Variants in DRAXIN observed in about 807,000 individuals in gnomAD.
DRAXIN encodes dorsal inhibitory axon guidance protein, also known as dorsal repulsive axon guidance protein.
A neutral mutation model predicts 33.9 loss-of-function variants in DRAXIN; 27 were observed. The observed-to-expected ratio is 0.80, with a 90% CI of 0.59 to 1.10. The LOEUF (loss-of-function observed/expected upper bound fraction) is 1.10, where lower values mean the gene tolerates loss of function less well. DRAXIN is among the 50% of genes least tolerant of loss of function. The pLI, the probability that DRAXIN is intolerant of heterozygous loss-of-function variation, is 0.00. For missense variants in DRAXIN, 371 were observed against 460.8 expected (o/e 0.81, Z 1.78); for synonymous variants, 178 against 194.0 (o/e 0.92, Z 0.69).
chr1:11,687,158 T>C (rs773054982), upstream of DRAXIN, among the ~76,000 whole-genome samples: 7 of 152,166 alleles, frequency 4.6e-5, no homozygotes, highest in Non-Finnish European at 8.8e-5. The surrounding 1 kb of genome is among the most constrained non-coding windows in gnomAD (Gnocchi z 4.1). Context: ...CTCAACCTCC[T>C]GGGCTCAAGC....
At chr1:11,693,712 C>A (rs901488752) in intron 1 of DRAXIN, among the ~76,000 whole-genome samples, 1 of 152,176 alleles carries the variant, frequency 6.6e-6, no homozygotes, top group African/African-American at 2.4e-5. Flanking sequence ...GCCCTTCATA[C>A]CATCTCTACC....
rs1641166599 is a variant in DRAXIN at position 11,694,902 on chromosome 1, A to AC, written c.-11+3051dup. On this transcript the variant is annotated intron_variant, in intron 1 of 6. Transcript: ENST00000294485. This position sits in a 1 kb window ranked among gnomAD's most constrained non-coding sequence, Gnocchi z 4.9. ...CACCATGACCCACCCATGCCCCAAC[A>AC]CCAAGACTTCTCTTGATGGGATGGG... 6.6e-6 allele frequency among the ~76,000 whole-genome samples: 1 copy of AC among 152,062 alleles called. No homozygotes were observed. The highest frequency in any genetic ancestry group is 1.5e-5 in the Non-Finnish European group (1 of 68,000).
intron 3 of DRAXIN, among the ~76,000 whole-genome samples, chr1:11,711,008 C>A (rs909353391): frequency 6.6e-6 from 1 of 151,266 alleles, no homozygotes; most frequent in Admixed American, 6.6e-5. Context: ...AAGAAATAGG[C>A]CAGGTGCAGT....
intron 2 of DRAXIN, among the ~76,000 whole-genome samples, chr1:11,707,417 C>A (rs753148183): frequency 6.6e-6 from 1 of 152,220 alleles, no homozygotes; most frequent in Non-Finnish European, 1.5e-5. Flanking sequence ...TCAGGTCCTG[C>A]CTCCACCACT....
At chr1:11,701,448 T>A (rs1166848392) in intron 1 of DRAXIN, among the ~76,000 whole-genome samples, 3 of 152,182 alleles carry the variant, frequency 2.0e-5, no homozygotes, top group Non-Finnish European at 4.4e-5. Flanking sequence ...GAGATGTGAA[T>A]GAAAGAAAGA....
In DRAXIN at chr1:11,715,146, T is replaced by C; in HGVS notation, c.875T>C (p.Leu292Pro). ...PGTCCDLREH[L>P]CTPHNRGLNN... ...ACTTGCTGCGACCTGCGGGAGCATC[T>C]CTGCACACCCCACAACCGAGGCCTC... Residue 292 changes from leucine (L) to proline (P), a missense_variant, in exon 6 of 7, where the codon CTC (leucine) becomes CCC (proline). Leu to Pro is a moderately conservative substitution (Grantham distance 98, BLOSUM62 -3). Coordinates refer to ENST00000294485, the MANE Select transcript of DRAXIN (RefSeq NM_198545.4). 1 of 1,614,248 alleles carries C rather than the reference T, an allele frequency of 6.2e-7. No individual in the cohort carries two copies. The highest frequency in any genetic ancestry group is 8.5e-7 in the Non-Finnish European group (1 of 1,180,046).
At chr1:11,717,695 G>A (rs1248395122) in intron 6 of DRAXIN, among the ~76,000 whole-genome samples, 1 of 150,896 alleles carries the variant, frequency 6.6e-6, no homozygotes, top group African/African-American at 2.4e-5. Flanking sequence ...ACAGAAGTGG[G>A]CATTGGAGGC....
At position 11,696,748 on chromosome 1, in the gene DRAXIN, G is replaced by A. The variant is rs1183823335; in HGVS notation, c.-11+4895G>A. The stretch of plus-strand genomic sequence containing the variant: ...TGCACCTGTAGTCCCAGCTACTCGG[G>A]AGGCTGAGGCAGAAGAATTGCTTGA... On this transcript the variant is annotated intron_variant, in intron 1 of 6. Coordinates refer to ENST00000294485, the MANE Select transcript of DRAXIN (RefSeq NM_198545.4). The surrounding 1 kb of genome is among the most constrained non-coding windows in gnomAD (Gnocchi z 4.7). Among the ~76,000 whole-genome samples the A allele has an allele frequency of 6.6e-6, 1 of 152,004 alleles. No homozygotes were observed. Among genetic ancestry groups the A allele is most frequent in the African/African-American group, 2.4e-5 (1 of 41,366 alleles).
intron 5 of DRAXIN, among the ~76,000 whole-genome samples, chr1:11,714,897 C>T (rs1361949434): frequency 2.6e-5 from 4 of 152,078 alleles, no homozygotes; most frequent in Non-Finnish European, 4.4e-5. Flanking sequence ...CAATCAGTAC[C>T]CCATCTGAGG....
rs1641349031 is a variant in DRAXIN at position 11,704,482 on chromosome 1, C to T, written c.-10-1767C>T. Reference sequence around the variant, plus strand: ...ATGGGCCCCTCCTCCCCCTGGGCTGCCTCAGGAACCAGGGACACAGGTCCC... The same window carrying T: ...ATGGGCCCCTCCTCCCCCTGGGCTGTCTCAGGAACCAGGGACACAGGTCCC... On this transcript the variant is annotated intron_variant, in intron 1 of 6. Coordinates refer to ENST00000294485, the MANE Select transcript of DRAXIN (RefSeq NM_198545.4). This position sits in a 1 kb window ranked among gnomAD's most constrained non-coding sequence, Gnocchi z 4.6. Among the ~76,000 whole-genome samples the T allele has an allele frequency of 6.6e-6, 1 of 152,230 alleles. No homozygotes were observed. The highest frequency in any genetic ancestry group is 1.5e-5 in the Non-Finnish European group (1 of 68,044).
chr1:11,719,032 C>G (rs1000834395), intron 6 of DRAXIN, among the ~76,000 whole-genome samples: 1 of 152,126 alleles, frequency 6.6e-6, no homozygotes, highest in Non-Finnish European at 1.5e-5. Flanking sequence ...TCCCAAGTAA[C>G]GGGGATTACA....
Position 11,706,792 on chromosome 1 carries a change from T to C in DRAXIN, c.451+83T>C. On this transcript the variant is annotated intron_variant, in intron 2 of 6. Coordinates refer to ENST00000294485, the MANE Select transcript of DRAXIN (RefSeq NM_198545.4). This position sits in a 1 kb window ranked among gnomAD's most constrained non-coding sequence, Gnocchi z 5.5. The stretch of plus-strand genomic sequence containing the variant: ...GAGCAGGAGAGGATGCAGGCAAGGG[T>C]CAGGGGCATGAGGTCCAGAGGAGAG... The C allele has an allele frequency of 7.1e-7, 1 of 1,410,830 alleles. No individual in the cohort carries two copies. The highest frequency in any genetic ancestry group is 2.5e-5 in the Admixed American group (1 of 39,564). 87.4% of individuals were successfully genotyped at this position (1,410,830 alleles called of 1,614,324 possible). A position where few individuals can be genotyped will look rare whatever the true frequency, so the allele number is the denominator to read the frequency against.
At position 11,704,061 on chromosome 1, in the gene DRAXIN, C is replaced by T. The variant is rs888176678; in HGVS notation, c.-10-2188C>T. 4.6e-5 allele frequency among the ~76,000 whole-genome samples: 7 copies of T among 152,198 alleles called. No homozygotes were observed. The highest frequency in any genetic ancestry group is 1.7e-4 in the African/African-American group (7 of 41,442). On this transcript the variant is annotated intron_variant, in intron 1 of 6. Transcript: ENST00000294485. The surrounding 1 kb of genome is among the most constrained non-coding windows in gnomAD (Gnocchi z 4.6). ...CTTGTGTGTCCCCAGGGACAGCAGA[C>T]TAGCTGAGAAGCTGCCCACCTCTCT... is the stretch of plus-strand genomic sequence containing the variant.
At position 11,706,011 on chromosome 1, in the gene DRAXIN, TC is replaced by T. The variant is rs1418089820; in HGVS notation, c.-10-237del. Among the ~76,000 whole-genome samples, 2 of 152,094 alleles carry T rather than the reference TC, an allele frequency of 1.3e-5. No homozygotes were observed. The highest frequency in any genetic ancestry group is 2.4e-5 in the African/African-American group (1 of 41,408). On this transcript the variant is annotated intron_variant, in intron 1 of 6. Transcript: ENST00000294485. The surrounding 1 kb of genome is among the most constrained non-coding windows in gnomAD (Gnocchi z 5.5). ...TTTCTGGGCCGGATGATTCTTGGTT[TC>T]GGGGGCTGTCCTGTGCATTGTCGGG...
intron 1 of DRAXIN, among the ~76,000 whole-genome samples, chr1:11,703,578 AG>A (rs1184976638): frequency 6.6e-6 from 1 of 152,216 alleles, no homozygotes; most frequent in East Asian, 1.9e-4. Flanking sequence ...GGAAGGCAAT[AG>A]GGAGCCATAG....
At chr1:11,701,413 G>A (rs868603178) in intron 1 of DRAXIN, among the ~76,000 whole-genome samples, 1 of 152,222 alleles carries the variant, frequency 6.6e-6, no homozygotes, top group South Asian at 2.1e-4. Context: ...TCTCCCTGAT[G>A]TACAGCGCAG....
intron 1 of DRAXIN, among the ~76,000 whole-genome samples, chr1:11,698,388 G>A (rs1641224879): frequency 6.6e-6 from 1 of 152,178 alleles, no homozygotes; most frequent in Non-Finnish European, 1.5e-5. Flanking sequence ...GGGGGCCGGG[G>A]CTCCAGGAAG....
Position 11,694,920 on chromosome 1 carries a change from G to A in DRAXIN, c.-11+3067G>A, listed in dbSNP as rs1021038944. Among the ~76,000 whole-genome samples the A allele has an allele frequency of 6.6e-6, 1 of 152,182 alleles. No individual in the cohort carries two copies. Among genetic ancestry groups the A allele is most frequent in the Admixed American group, 6.5e-5 (1 of 15,278 alleles). On this transcript the variant is annotated intron_variant, in intron 1 of 6. Coordinates refer to ENST00000294485, the MANE Select transcript of DRAXIN (RefSeq NM_198545.4). The surrounding 1 kb of genome is among the most constrained non-coding windows in gnomAD (Gnocchi z 4.9). ...CCCCAACACCAAGACTTCTCTTGAT[G>A]GGATGGGGTTGAAGGGGTGGTTATG...
At position 11,714,362 on chromosome 1, in the gene DRAXIN, C is replaced by T. The variant is rs1281858288; in HGVS notation, c.848-757C>T. 2.0e-5 allele frequency among the ~76,000 whole-genome samples: 3 copies of T among 152,336 alleles called. No homozygotes were observed. In the East Asian group the frequency reaches 5.8e-4, roughly 29 times the overall value. Reference sequence around the variant, plus strand: ...ACAGAGGTGGCCTGTTAGACGAGGCCCGTGCTGAGCAGAAATGGCTGGGCC... The same window carrying T: ...ACAGAGGTGGCCTGTTAGACGAGGCTCGTGCTGAGCAGAAATGGCTGGGCC... On this transcript the variant is annotated intron_variant, in intron 5 of 6. Coordinates refer to ENST00000294485, the MANE Select transcript of DRAXIN (RefSeq NM_198545.4).
Sources: allele counts gnomAD v4.1 joint callset (sites outside exome capture counted in the v4.1 genomes callset), GRCh38; gene constraint gnomAD v4.1.1; non-coding constraint Gnocchi (gnomAD v3.1); transcripts MANE v1.5; gene names NCBI Gene and HGNC (gene_info 2026-07-23, HGNC 2026-07-21).